LACTBL1: variants seen among roughly 807,000 people sequenced by gnomAD.
LACTBL1 encodes lactamase beta like 1, also known as beta-lactamase-like protein 1.
LACTBL1 carries 29 observed loss-of-function variants against 39.6 expected under a neutral mutation model. The ratio of observed to expected loss-of-function variants is 0.73; its 90% CI spans 0.55 to 1.00. The LOEUF (loss-of-function observed/expected upper bound fraction) is 1.00. LACTBL1 is among the 50% of genes least tolerant of loss of function. LACTBL1 has a pLI of 0.00. For missense variants in LACTBL1, 711 were observed against 748.5 expected, an observed-to-expected ratio of 0.95 and a Z score of 0.59; for synonymous variants, 361 against 360.7, an observed-to-expected ratio of 1.00 and a Z score of -0.01.
rs138431960 is a variant in LACTBL1, at chr1:22,953,998, G to C, written c.686C>G (p.Ser229Trp). The C allele has an allele frequency of 1.9e-6, 3 of 1,542,602 alleles. No homozygotes were observed. The East Asian group carries it at 7.4e-5, about 38-fold the overall frequency. ...AGCTGCCAGGACGTGGGCCAGGAGC[G>C]AGAAGGCCAGCGTGCTGTAATGGCA... The change falls in exon 6 of 6, where the codon TCG becomes TGG. Residue 229 changes from serine to tryptophan, a missense_variant. By Grantham distance (177) the Ser-to-Trp change is radical. Coordinates refer to ENST00000426928, the Ensembl canonical transcript of LACTBL1.
At chr1:22,955,383 G>C in exon 5 of LACTBL1, 1 of 1,550,430 alleles carries the variant, frequency 6.4e-7, no homozygotes, top group Non-Finnish European at 8.7e-7. Flanking sequence ...CCTGGGTGCT[G>C]CCCTTCCACA....
intron 1 of LACTBL1, among the ~76,000 whole-genome samples, chr1:22,964,417 G>A (rs1020233252): frequency 2.0e-5 from 3 of 152,208 alleles, no homozygotes; most frequent in African/African-American, 4.8e-5. Context: ...CTTGAGAGCA[G>A]GAGTCCACGC....
exon 6 of LACTBL1, chr1:22,953,207 G>A (rs1640721480): frequency 2.4e-6 from 3 of 1,232,012 alleles, no homozygotes; most frequent in Admixed American, 8.4e-5. Flanking sequence ...CCGAGTGGCA[G>A]TGCGCAGGGG....
chr1:22,954,189 C>T (rs1640740272), intron 5 of LACTBL1, among the ~76,000 whole-genome samples, 165 bp from the exon 8 acceptor site: 1 of 152,220 alleles, frequency 6.6e-6, no homozygotes, highest in Admixed American at 6.5e-5. Flanking sequence ...GACTCTGACT[C>T]TCTTCTACAT....
chr1:22,958,946 G>A, intron 3 of LACTBL1, 26 bp from the exon 6 acceptor site: 1 of 1,484,504 alleles, frequency 6.7e-7, no homozygotes, highest in Non-Finnish European at 9.1e-7. Context: ...AATACAAGCA[G>A]TCAAAGGGCA....
At chr1:22,954,324 C>T (rs1640741564) in intron 5 of LACTBL1, among the ~76,000 whole-genome samples, 1 of 152,170 alleles carries the variant, frequency 6.6e-6, no homozygotes, top group Admixed American at 6.5e-5. Context: ...GTCCTTCACA[C>T]TTTAGTATGA....
At chr1:22,953,585 C>T in exon 6 of LACTBL1, 2 of 1,256,488 alleles carry the variant, frequency 1.6e-6, no homozygotes, top group Non-Finnish European at 9.9e-7. Context: ...GCGTAGCCGT[C>T]CAGATCGCCG....
At chr1:22,961,541 T>C (rs1465807927) in intron 2 of LACTBL1, among the ~76,000 whole-genome samples, 1 of 152,118 alleles carries the variant, frequency 6.6e-6, no homozygotes, top group East Asian at 1.9e-4. Flanking sequence ...TTTTTGTATT[T>C]TTAGTAGAGA....
At chr1:22,969,026 C>A (rs528393804), upstream of LACTBL1, among the ~76,000 whole-genome samples, 2 of 152,286 alleles carry the variant, frequency 1.3e-5, no homozygotes, top group African/African-American at 2.4e-5. Flanking sequence ...AATCCTCCCA[C>A]CTTGACTTCT....
upstream of LACTBL1, among the ~76,000 whole-genome samples, chr1:22,970,161 A>C (rs1168788304): frequency 6.6e-6 from 1 of 152,234 alleles, no homozygotes; most frequent in Non-Finnish European, 1.5e-5. Flanking sequence ...GTTCTCACTG[A>C]AATCATCTTT....
At chr1:22,955,186 G>C in intron 5 of LACTBL1, 135 bp downstream of exon 7, 1 of 647,316 alleles carries the variant, frequency 1.5e-6, no homozygotes, top group East Asian at 2.8e-5. Flanking sequence ...TCTAGGTCTT[G>C]CCCTTTGCAG....
intron 1 of LACTBL1, 115 bp from the exon 4 acceptor site, chr1:22,963,331 G>A (rs1028027857): frequency 2.8e-5 from 14 of 507,240 alleles, no homozygotes; most frequent in African/African-American, 6.0e-5. Flanking sequence ...CAGCCGAGCC[G>A]AGCCGGGGGA....
At chr1:22,968,298 T>C (rs1458922185), upstream of LACTBL1, among the ~76,000 whole-genome samples, 1 of 152,136 alleles carries the variant, frequency 6.6e-6, no homozygotes, top group Non-Finnish European at 1.5e-5. Flanking sequence ...ACAGTCCAGT[T>C]GGGAATCCTG....
exon 6 of LACTBL1, chr1:22,953,679 G>GGCCAGCAGCGGC (rs1293990606): frequency 6.2e-6 from 8 of 1,293,608 alleles, no homozygotes; most frequent in South Asian, 5.1e-5. Flanking sequence ...CGCCCGGGCA[G>GGCCAGCAGCGGC]GCCAGCAGCG....
chr1:22,969,644 G>A (rs1008764699), upstream of LACTBL1, among the ~76,000 whole-genome samples: 5 of 118,560 alleles, frequency 4.2e-5, no homozygotes, highest in Non-Finnish European at 5.2e-5. Flanking sequence ...CCCACCTCCC[G>A]CATCATTGCC....
chr1:22,953,916 C>G, exon 6 of LACTBL1: 1 of 1,550,348 alleles, frequency 6.5e-7, no homozygotes, highest in Non-Finnish European at 8.7e-7. Flanking sequence ...CTGCCATCCC[C>G]AGCGGCTCCA....
chr1:22,954,213 G>C (rs1438195434), intron 5 of LACTBL1, among the ~76,000 whole-genome samples, 189 bp from the exon 8 acceptor site: 9 of 152,240 alleles, frequency 5.9e-5, no homozygotes, highest in Admixed American at 2.0e-4. Flanking sequence ...GGAAGACCAA[G>C]GCCCAGAGAG....
intron 4 of LACTBL1, among the ~76,000 whole-genome samples, chr1:22,955,685 C>T (rs575176893): frequency 1.1e-4 from 16 of 152,298 alleles, no homozygotes; most frequent in African/African-American, 3.6e-4. Context: ...TACCCAAGGG[C>T]TGATTAGATT....
chr1:22,968,285 TTCA>T (rs1171715233), upstream of LACTBL1, among the ~76,000 whole-genome samples: 11 of 152,164 alleles, frequency 7.2e-5, no homozygotes, highest in African/African-American at 9.7e-5. Context: ...ACGTGACTAT[TTCA>T]CAGTCCAGTT....
Sources: gnomAD v4.1 joint callset for allele counts (sites outside exome capture counted in the v4.1 genomes callset) on GRCh38, gnomAD v4.1.1 for gene constraint, MANE v1.5 for transcripts, NCBI Gene and HGNC (gene_info 2026-07-23, HGNC 2026-07-21) for gene names.